The following CPQ variants were observed in gnomAD, a reference collection of about 807,000 sequenced individuals.
CPQ encodes carboxypeptidase Q.
Under a neutral mutation model 45.7 loss-of-function variants are expected in CPQ, and 37 were observed. The ratio of observed to expected loss-of-function variants is 0.81; its 90% confidence interval spans 0.62 to 1.07. The LOEUF (loss-of-function observed/expected upper bound fraction) is 1.07. Ranked by LOEUF, CPQ falls within the 50% of genes least tolerant of loss-of-function variation. CPQ has a pLI of 0.00. For synonymous variants in CPQ, 186 were observed against 205.8 expected (o/e 0.90, Z 0.82); for missense variants, 537 against 572.9 (o/e 0.94, Z 0.64).
chr8:97,036,668 G>A (rs1810012248), intron 6 of CPQ, among the ~76,000 whole-genome samples: 1 of 152,120 alleles, frequency 6.6e-6, no homozygotes, highest in Non-Finnish European at 1.5e-5. Flanking sequence ...ATGGACAAAG[G>A]AGAAAAAACA....
intron 5 of CPQ, among the ~76,000 whole-genome samples, chr8:97,026,091 A>C (rs1809795169): frequency 6.6e-6 from 1 of 152,200 alleles, no homozygotes; most frequent in African/African-American, 2.4e-5. Context: ...GTATAAACAA[A>C]GGTGTTCTGG....
At chr8:96,754,814 G>A (rs1015102122) in intron 1 of CPQ, among the ~76,000 whole-genome samples, 2 of 151,930 alleles carry the variant, frequency 1.3e-5, no homozygotes, top group African/African-American at 4.8e-5. Context: ...CATGGCACAT[G>A]GTAAATGGTA....
chr8:96,764,035 T>C (rs1810438241), intron 1 of CPQ, among the ~76,000 whole-genome samples: 1 of 152,144 alleles, frequency 6.6e-6, no homozygotes, highest in Admixed American at 6.6e-5. Context: ...AATGAAAGCA[T>C]ATGCCCATAT....
intron 4 of CPQ, among the ~76,000 whole-genome samples, chr8:96,892,652 A>G (rs948825915): frequency 3.9e-5 from 6 of 152,106 alleles, no homozygotes; most frequent in South Asian, 4.1e-4. Context: ...CAAGCATGAG[A>G]CATTTCATTG....
intron 1 of CPQ, among the ~76,000 whole-genome samples, chr8:96,696,557 A>G (rs1031275157): frequency 1.3e-5 from 2 of 152,070 alleles, no homozygotes; most frequent in African/African-American, 4.8e-5. Flanking sequence ...AAATTAAAAA[A>G]TAGTACAAAA....
chr8:96,677,732 T>G (rs1809095507), intron 1 of CPQ, among the ~76,000 whole-genome samples: 3 of 152,156 alleles, frequency 2.0e-5, no homozygotes, highest in Admixed American at 6.6e-5. Flanking sequence ...GTCTTATTCA[T>G]GAATTCTTTG....
chr8:96,646,096 A>G (rs1453877547), intron 1 of CPQ, among the ~76,000 whole-genome samples: 3 of 150,826 alleles, frequency 2.0e-5, no homozygotes, highest in African/African-American at 7.3e-5. Context: ...AGCAGTGGAG[A>G]CGCAGGCTTA....
rs554852152 is a variant in CPQ, at chr8:96,844,245, C to T, written c.641+9065C>T. On this transcript the variant is annotated intron_variant, in intron 3 of 7. Transcript: ENST00000220763. ...AGAATCCTGAGAAACTTTTTCCAGC[C>T]GGTCTTTTTCTATTACTTATGCCTT... is the stretch of plus-strand genomic sequence containing the variant. Among the ~76,000 whole-genome samples, 443 of 152,236 alleles carry T rather than the reference C, an allele frequency of 2.9e-3. 1 individual carries two copies. The highest frequency in any genetic ancestry group is 5.3e-3 in the Non-Finnish European group (357 of 67,992).
intron 1 of CPQ, among the ~76,000 whole-genome samples, chr8:96,742,599 T>C (rs1467231866): frequency 6.6e-6 from 1 of 152,216 alleles, no homozygotes; most frequent in Non-Finnish European, 1.5e-5. Flanking sequence ...GGCATGATTT[T>C]GCAGTGGCTG....
chr8:96,784,660 C>T (rs928935613), intron 1 of CPQ, among the ~76,000 whole-genome samples: 2 of 152,100 alleles, frequency 1.3e-5, no homozygotes, highest in African/African-American at 2.4e-5. Context: ...ATAGGTAACA[C>T]GTGATTCTAC....
intron 4 of CPQ, among the ~76,000 whole-genome samples, chr8:96,961,527 C>T (rs868074442): frequency 1.3e-5 from 2 of 152,286 alleles, no homozygotes; most frequent in Admixed American, 6.5e-5. Context: ...TCTTGATGAA[C>T]ATAAAGCCTT....
chr8:97,033,510 T>G lies in CPQ; in HGVS notation c.1053+4016T>G, dbSNP rs368631006. On this transcript the variant is annotated intron_variant, in intron 6 of 7. Transcript: ENST00000220763. ...TTATTTGTATACAATGATCTCTTTC[T>G]CGTTTGTATGACCTAAAATATAATT... 5.3e-5 allele frequency among the ~76,000 whole-genome samples: 8 copies of G among 152,324 alleles called. No individual in the cohort carries two copies. The East Asian group carries it at 9.6e-4, about 18-fold the overall frequency.
intron 4 of CPQ, among the ~76,000 whole-genome samples, chr8:96,886,140 C>T (rs1206620650): frequency 1.3e-5 from 2 of 152,204 alleles, no homozygotes; most frequent in Admixed American, 6.5e-5. Flanking sequence ...ACTCTGACTT[C>T]CTCAGAAACT....
chr8:96,918,210 T>C (rs11991504), intron 4 of CPQ, among the ~76,000 whole-genome samples: 10,890 of 152,200 alleles, frequency 0.072, 717 homozygotes, highest in African/African-American at 0.18. Flanking sequence ...CTCTTTTAGC[T>C]GTTCACATCA....
At chr8:96,821,103 C>T (rs1457314287) in intron 2 of CPQ, among the ~76,000 whole-genome samples, 1 of 142,172 alleles carries the variant, frequency 7.0e-6, no homozygotes, top group Non-Finnish European at 1.5e-5. Context: ...CTGTTCAAAC[C>T]TTTTGCCCAA....
chr8:96,724,459 CCAAGT>C (rs1809808132), intron 1 of CPQ, among the ~76,000 whole-genome samples: 1 of 149,310 alleles, frequency 6.7e-6, no homozygotes. Context: ...AAGCTGAGAG[CCAAGT>C]CAAGAATGCA....
At chr8:97,141,945 T>C (rs4260867) in intron 7 of CPQ, among the ~76,000 whole-genome samples, 11,586 of 152,154 alleles carry the variant, frequency 0.076, 613 homozygotes, top group African/African-American at 0.13. Context: ...GTCATATACA[T>C]ATATGTGGTA....
At chr8:96,676,483 T>C (rs576629768) in intron 1 of CPQ, among the ~76,000 whole-genome samples, 7 of 152,190 alleles carry the variant, frequency 4.6e-5, no homozygotes, top group African/African-American at 1.4e-4. Context: ...AATGACAGTA[T>C]ATCATTCTTT....
intron 4 of CPQ, among the ~76,000 whole-genome samples, chr8:96,933,874 A>G (rs1332896831): frequency 1.3e-5 from 2 of 152,202 alleles, no homozygotes; most frequent in Non-Finnish European, 2.9e-5. Flanking sequence ...TCTTGTCCTT[A>G]GCTCTGTGGC....
Sources: allele counts gnomAD v4.1 joint callset (sites outside exome capture counted in the v4.1 genomes callset), GRCh38; gene constraint gnomAD v4.1.1; transcripts MANE v1.5; gene names NCBI Gene and HGNC (gene_info 2026-07-23, HGNC 2026-07-21).